Variants in DLG1 observed in about 807,000 individuals in gnomAD.
DLG1 encodes the protein discs large MAGUK scaffold protein 1, also known as disks large homolog 1.
DLG1 carries 42 observed loss-of-function variants against 123.4 expected under a neutral mutation model. The ratio of observed to expected loss-of-function variants is 0.34; its 90% CI spans 0.27 to 0.44. DLG1 has a LOEUF of 0.44. DLG1 is among the 20% of genes least tolerant of loss of function. The pLI is 1.00. For synonymous variants in DLG1, 317 were observed against 356.2 expected (o/e 0.89, Z 1.24); for missense variants, 942 against 1,082.6 (o/e 0.87, Z 1.82).
chr3:197,130,502 A>G, intron 11 of DLG1, 25 bp downstream of exon 11: 1 of 1,537,724 alleles, frequency 6.5e-7, no homozygotes, highest in East Asian at 2.3e-5. Context: ...GATAAATTTA[A>G]GCAAACGTAT....
At chr3:197,091,742 C>T (rs1234691904) in intron 14 of DLG1, among the ~76,000 whole-genome samples, 3 of 152,004 alleles carry the variant, frequency 2.0e-5, no homozygotes, top group Non-Finnish European at 2.9e-5. Flanking sequence ...AAAAATATTG[C>T]AGTTACATGG....
At chr3:197,177,461 G>T (rs978554868) in intron 5 of DLG1, among the ~76,000 whole-genome samples, 2 of 152,026 alleles carry the variant, frequency 1.3e-5, no homozygotes, top group African/African-American at 4.8e-5. Flanking sequence ...CCTTGGAGAT[G>T]AAGAAAAAAT....
chr3:197,147,864 A>G (rs1427977956), intron 6 of DLG1, among the ~76,000 whole-genome samples: 2 of 136,740 alleles, frequency 1.5e-5, no homozygotes, highest in South Asian at 4.6e-4. Flanking sequence ...GAAGTTTCCC[A>G]TCCTTTAAAA....
At chr3:197,196,458 G>A (rs1217860979) in intron 4 of DLG1, among the ~76,000 whole-genome samples, 1 of 152,118 alleles carries the variant, frequency 6.6e-6, no homozygotes, top group African/African-American at 2.4e-5. Context: ...ACCTAACACA[G>A]TTTACATACT....
rs150407424 is a variant in DLG1, at chr3:197,214,276, G to A, written c.319-19687C>T. 3.0e-3 allele frequency among the ~76,000 whole-genome samples: 454 copies of A among 152,196 alleles called. 2 individuals are homozygous for A. The highest frequency in any genetic ancestry group is 0.01 in the African/African-American group (433 of 41,520). On this transcript the variant is annotated intron_variant, in intron 4 of 24. Transcript: ENST00000667157. Reference sequence around the variant, plus strand: ...AAATATGAATAAACTTGTTCCTACCGTTGGAATGGTGAAGTCTAAGTAAGA... The same window carrying A: ...AAATATGAATAAACTTGTTCCTACCATTGGAATGGTGAAGTCTAAGTAAGA...
At position 197,130,125 on chromosome 3, in the gene DLG1, T is replaced by C. The variant is rs544851035; in HGVS notation, c.1165+402A>G. Among the ~76,000 whole-genome samples the C allele has an allele frequency of 4.6e-5, 7 of 152,246 alleles. No individual in the cohort carries two copies. The South Asian group carries it at 1.5e-3, about 32-fold the overall frequency. On this transcript the variant is annotated intron_variant, in intron 11 of 24. Coordinates refer to ENST00000667157, the MANE Select transcript of DLG1 (RefSeq NM_001366207.1). The stretch of plus-strand genomic sequence containing the variant: ...TAAATGTAGTCTCTGTGAAGTGCAA[T>C]AAAGCAAAGCCCAATAAAATGAGGT...
chr3:197,273,210 G>GTGTGTA (rs1489642173), intron 4 of DLG1, among the ~76,000 whole-genome samples: 2 of 150,648 alleles, frequency 1.3e-5, no homozygotes, highest in African/African-American at 4.9e-5. Context: ...GTGTGTGTGT[G>GTGTGTA]TATGTGTGTG....
chr3:197,209,197 TGAAAA>T (rs1466774279), intron 4 of DLG1, among the ~76,000 whole-genome samples: 9 of 145,774 alleles, frequency 6.2e-5, no homozygotes, highest in Non-Finnish European at 1.2e-4. Context: ...AGCATATGAA[TGAAAA>T]GAAAAGGTAT....
intron 18 of DLG1, among the ~76,000 whole-genome samples, chr3:197,072,189 C>T (rs188306157): frequency 5.5e-4 from 84 of 152,112 alleles, no homozygotes; most frequent in African/African-American, 1.7e-3. Flanking sequence ...CATTTTACCA[C>T]GGTTTTTTTT....
intron 4 of DLG1, among the ~76,000 whole-genome samples, chr3:197,203,043 AAAG>A (rs1212996389): frequency 6.6e-6 from 1 of 152,170 alleles, no homozygotes; most frequent in Non-Finnish European, 1.5e-5. Context: ...AAGGCTGAGG[AAAG>A]AAGATCAGGT....
chr3:197,263,267 T>C (rs1486786253), intron 4 of DLG1, among the ~76,000 whole-genome samples: 1 of 152,174 alleles, frequency 6.6e-6, no homozygotes, highest in African/African-American at 2.4e-5. Context: ...TTTGGCAGAC[T>C]TCATAATAGA....
chr3:197,233,549 G>C (rs1744383459), intron 4 of DLG1, among the ~76,000 whole-genome samples: 1 of 152,144 alleles, frequency 6.6e-6, no homozygotes, highest in African/African-American at 2.4e-5. Flanking sequence ...ACGATGCCCG[G>C]CTTTTTTGTA....
At chr3:197,194,958 A>C (rs1474842759) in intron 4 of DLG1, among the ~76,000 whole-genome samples, 1 of 152,064 alleles carries the variant, frequency 6.6e-6, no homozygotes, top group Non-Finnish European at 1.5e-5. Context: ...CTTGTACACA[A>C]ATTTTTTAAA....
chr3:197,217,975 T>C (rs533167451), intron 4 of DLG1, among the ~76,000 whole-genome samples: 2 of 152,354 alleles, frequency 1.3e-5, no homozygotes, highest in South Asian at 2.1e-4. Context: ...ATTTTAAAAA[T>C]TGGGTTTGCT....
At chr3:197,201,626 T>G (rs1725773773) in intron 4 of DLG1, among the ~76,000 whole-genome samples, 1 of 151,922 alleles carries the variant, frequency 6.6e-6, no homozygotes, top group South Asian at 2.1e-4. Flanking sequence ...AGGTAAAAGA[T>G]CTCTACAAGG....
intron 5 of DLG1, among the ~76,000 whole-genome samples, chr3:197,171,264 G>A (rs1022836650): frequency 3.3e-5 from 5 of 152,092 alleles, no homozygotes; most frequent in African/African-American, 9.7e-5. Flanking sequence ...GTACTCAACG[G>A]GGGCCCAGTA....
intron 4 of DLG1, among the ~76,000 whole-genome samples, chr3:197,263,797 G>GA (rs968159734): frequency 7.3e-5 from 11 of 151,608 alleles, no homozygotes; most frequent in Non-Finnish European, 1.3e-4. Context: ...AAAAGAAAAA[G>GA]AAAAAAAAGA....
At chr3:197,293,647 C>T (rs1775993486) in intron 3 of DLG1, among the ~76,000 whole-genome samples, 1 of 151,502 alleles carries the variant, frequency 6.6e-6, no homozygotes, top group Non-Finnish European at 1.5e-5. Context: ...TTTTTAAATG[C>T]ATGAAAAGTC....
chr3:197,118,856 C>A (rs1774727612), intron 12 of DLG1, among the ~76,000 whole-genome samples: 1 of 152,098 alleles, frequency 6.6e-6, no homozygotes, highest in African/African-American at 2.4e-5. Context: ...ACCCACCCAC[C>A]AGCCAGGCAA....
Sources: allele counts gnomAD v4.1 joint callset (sites outside exome capture counted in the v4.1 genomes callset), GRCh38; gene constraint gnomAD v4.1.1; transcripts MANE v1.5; gene names NCBI Gene and HGNC (gene_info 2026-07-23, HGNC 2026-07-21).